The following ESRRG variants were observed in gnomAD, a reference collection of about 807,000 sequenced individuals.
The protein encoded by ESRRG is estrogen related receptor gamma, also known as estrogen-related receptor gamma.
In ESRRG, 13 loss-of-function variants were observed where a neutral mutation model predicts 44.0. The observed-to-expected ratio is 0.30, with a 90% CI of 0.19 to 0.47. The LOEUF is 0.47. Among genes scored for constraint, ESRRG ranks in the 20% least tolerant of loss-of-function variants. The pLI, the probability that ESRRG is intolerant of heterozygous loss-of-function variation, is 1.00. For missense variants in ESRRG, 395 were observed against 580.6 expected (o/e 0.68, Z 3.29); for synonymous variants, 215 against 214.6 (o/e 1.00, Z -0.02).
At chr1:216,688,026 A>G (rs1461976376) in intron 1 of ESRRG, among the ~76,000 whole-genome samples, 2 of 152,202 alleles carry the variant, frequency 1.3e-5, no homozygotes, top group African/African-American at 2.4e-5. Context: ...GGGAAAAAAA[A>G]CAAAAGAATA....
intron 1 of ESRRG, among the ~76,000 whole-genome samples, chr1:217,129,520 A>G (rs957670427): frequency 6.6e-6 from 1 of 152,228 alleles, no homozygotes; most frequent in African/African-American, 2.4e-5. Context: ...ATTCATAATA[A>G]CCAAAAAGTG....
intron 2 of ESRRG, among the ~76,000 whole-genome samples, chr1:216,836,675 C>CA (rs34063124): frequency 0.25 from 37,347 of 151,972 alleles, 4,688 homozygotes; most frequent in Admixed American, 0.3. Context: ...GAGCAATCAT[C>CA]AATATCAGCA....
At chr1:216,653,256 T>A (rs1426308874) in intron 2 of ESRRG, among the ~76,000 whole-genome samples, 2 of 152,342 alleles carry the variant, frequency 1.3e-5, no homozygotes, top group Non-Finnish European at 1.5e-5. Flanking sequence ...AGCTCACACC[T>A]GGACTATGGC....
At chr1:216,725,129 T>G (rs1468747995), upstream of ESRRG, among the ~76,000 whole-genome samples, 1 of 152,144 alleles carries the variant, frequency 6.6e-6, no homozygotes, top group Non-Finnish European at 1.5e-5. Flanking sequence ...ATGACAGACA[T>G]GATTTGGTCC....
intron 1 of ESRRG, among the ~76,000 whole-genome samples, chr1:216,943,782 C>A (rs181230018): frequency 5.3e-5 from 8 of 152,256 alleles, no homozygotes; most frequent in South Asian, 2.1e-4. Flanking sequence ...AATTCCTCAG[C>A]TTTCTAGATC....
chr1:216,614,435 T>C (rs11572728), intron 3 of ESRRG, among the ~76,000 whole-genome samples: 4,574 of 152,270 alleles, frequency 0.03, 229 homozygotes, highest in African/African-American at 0.1. Context: ...ATACAGCCTG[T>C]TAGCTCCAAC....
intron 1 of ESRRG, among the ~76,000 whole-genome samples, chr1:216,698,239 G>C (rs972084576): frequency 6.6e-6 from 1 of 151,888 alleles, no homozygotes; most frequent in Non-Finnish European, 1.5e-5. Context: ...AAGTTTTGGC[G>C]GGGCGCGGTG....
chr1:216,783,185 T>C (rs2093997853), intron 2 of ESRRG, among the ~76,000 whole-genome samples: 1 of 151,996 alleles, frequency 6.6e-6, no homozygotes, highest in South Asian at 2.1e-4. Flanking sequence ...TTTCCTTGGT[T>C]TACCTGGTCA....
chr1:216,997,408 G>C (rs1416697222), intron 1 of ESRRG, among the ~76,000 whole-genome samples: 1 of 152,154 alleles, frequency 6.6e-6, no homozygotes, highest in Non-Finnish European at 1.5e-5. Context: ...ACAGACCAAT[G>C]TCTGGCTTTT....
Position 216,700,857 on chromosome 1 carries a change from G to A in ESRRG, c.56+22387C>T, listed in dbSNP as rs1431573945. The stretch of plus-strand genomic sequence containing the variant: ...TAGGCAGAGAAGAAACCAGTGAGTG[G>A]TTAGGTTTCTGTCTTTACTTTGCTT... On this transcript the variant is annotated intron_variant, in intron 1 of 6. Transcript: ENST00000408911. 3.3e-5 allele frequency among the ~76,000 whole-genome samples: 5 copies of A among 152,142 alleles called. 1 individual carries two copies. The highest frequency in any genetic ancestry group is 7.3e-5 in the Non-Finnish European group (5 of 68,032).
intron 1 of ESRRG, chr1:216,985,779 T>G (rs1053365912): frequency 2.0e-5 from 3 of 152,182 alleles, no homozygotes; most frequent in Admixed American, 2.0e-4. Flanking sequence ...TCCAGAAGAC[T>G]GAGGTTGGAT....
chr1:216,754,790 A>G (rs1278135497), intron 2 of ESRRG, among the ~76,000 whole-genome samples: 9 of 151,166 alleles, frequency 6.0e-5, no homozygotes, highest in Middle Eastern at 3.4e-3. Flanking sequence ...AATGAATCAC[A>G]TGAACTTTCT....
chr1:216,627,312 G>A (rs547209876), intron 3 of ESRRG, among the ~76,000 whole-genome samples: 28 of 152,208 alleles, frequency 1.8e-4, no homozygotes, highest in African/African-American at 6.7e-4. Flanking sequence ...TCTTTTACCA[G>A]GTCCCTCTGC....
At chr1:216,754,556 C>CAATG (rs1377274901) in intron 2 of ESRRG, among the ~76,000 whole-genome samples, 1 of 151,920 alleles carries the variant, frequency 6.6e-6, no homozygotes, top group African/African-American at 2.4e-5. Flanking sequence ...ATATAAGAAA[C>CAATG]AATGAGTTTG....
chr1:216,519,633 T>C (rs2045451520), intron 5 of ESRRG, among the ~76,000 whole-genome samples: 1 of 152,004 alleles, frequency 6.6e-6, no homozygotes, highest in East Asian at 1.9e-4. Context: ...TGCTATAAGT[T>C]TTATAGACAC....
intron 1 of ESRRG, among the ~76,000 whole-genome samples, chr1:216,706,709 G>A (rs953555142): frequency 2.0e-5 from 3 of 152,186 alleles, no homozygotes; most frequent in African/African-American, 7.2e-5. Context: ...TATTCCGATT[G>A]GCAATGGTGC....
chr1:216,855,175 G>A (rs558597758), intron 2 of ESRRG: 1 of 152,206 alleles, frequency 6.6e-6, no homozygotes, highest in Non-Finnish European at 1.5e-5. Context: ...AGGACCTATG[G>A]GCCGCTGATA....
chr1:216,942,820 G>A (rs898778460), intron 1 of ESRRG, among the ~76,000 whole-genome samples: 1 of 152,052 alleles, frequency 6.6e-6, no homozygotes, highest in Non-Finnish European at 1.5e-5. Context: ...TTAGTCCTTT[G>A]TAGTATGCAT....
At chr1:216,753,047 G>A (rs1481038235) in intron 2 of ESRRG, among the ~76,000 whole-genome samples, 1 of 151,902 alleles carries the variant, frequency 6.6e-6, no homozygotes, top group Non-Finnish European at 1.5e-5. Flanking sequence ...AGGATGATGA[G>A]GATGATGTCT....
Sources: gnomAD v4.1 joint callset for allele counts (sites outside exome capture counted in the v4.1 genomes callset) on GRCh38, gnomAD v4.1.1 for gene constraint, MANE v1.5 for transcripts, NCBI Gene and HGNC (gene_info 2026-07-23, HGNC 2026-07-21) for gene names.